The following TOM1L1 variants were observed in gnomAD, a reference collection of about 807,000 sequenced individuals.
TOM1L1 encodes the protein TOM1-like protein 1.
TOM1L1 carries 64 observed loss-of-function variants against 63.4 expected under a neutral mutation model. The observed-to-expected ratio is 1.01, with a 90% confidence interval of 0.83 to 1.24. The LOEUF (loss-of-function observed/expected upper bound fraction) is 1.24, where lower values mean the gene tolerates loss of function less well. Among genes scored for constraint, TOM1L1 ranks in the 50% most tolerant of loss-of-function variants. The pLI, the probability that TOM1L1 is intolerant of heterozygous loss-of-function variation, is 0.00. For synonymous variants in TOM1L1, 166 were observed against 194.4 expected, an observed-to-expected ratio of 0.85 and a Z score of 1.22; for missense variants, 536 against 567.0, an observed-to-expected ratio of 0.95 and a Z score of 0.55.
At chr17:54,919,989 T>TTG (rs2048655501) in intron 7 of TOM1L1, among the ~76,000 whole-genome samples, 5 of 150,860 alleles carry the variant, frequency 3.3e-5, no homozygotes, top group African/African-American at 9.7e-5. Context: ...TTTATTGATT[T>TTG]ATTTATTTAT....
chr17:54,909,289 G>T (rs1050368438), intron 3 of TOM1L1, among the ~76,000 whole-genome samples: 1 of 152,108 alleles, frequency 6.6e-6, no homozygotes, highest in South Asian at 2.1e-4. Context: ...AAAACCATGT[G>T]GTTGTCCCCC....
At chr17:54,957,138 C>G in intron 14 of TOM1L1, 1 of 152,244 alleles carries the variant, frequency 6.6e-6, no homozygotes, top group East Asian at 1.9e-4. Flanking sequence ...CTGGAGACCC[C>G]TCCTATCTGC....
At chr17:54,930,637 C>T (rs1021374850) in intron 8 of TOM1L1, among the ~76,000 whole-genome samples, 4 of 152,002 alleles carry the variant, frequency 2.6e-5, no homozygotes, top group African/African-American at 7.3e-5. Context: ...GTCAGGAGTT[C>T]GAAACCAGCC....
At chr17:54,908,461 G>A (rs2048446016) in intron 3 of TOM1L1, among the ~76,000 whole-genome samples, 1 of 152,180 alleles carries the variant, frequency 6.6e-6, no homozygotes, top group African/African-American at 2.4e-5. Context: ...TCTGTCAAAA[G>A]CAATTATAAG....
chr17:54,913,826 G>A lies in TOM1L1; in HGVS notation c.451G>A (p.Val151Ile), dbSNP rs754022108. Residue 151 changes from valine (V) to isoleucine (I), a missense_variant, in exon 5 of 16, where the codon GTT becomes ATT. Transcript: ENST00000575882. Reference protein sequence around the residue: ...EVYLDLVKKGVQFPPSEAEAE... With the variant: ...EVYLDLVKKGIQFPPSEAEAE... ...ATACCTCGACCTGGTTAAGAAAGGC[G>A]TTCAGTTTCCTCCCTCAGAAGCAGA... The A allele has an allele frequency of 4.5e-5, 73 of 1,611,954 alleles. No individual in the cohort carries two copies. Among genetic ancestry groups the A allele is most frequent in the Non-Finnish European group, 5.8e-5 (68 of 1,178,756 alleles).
At chr17:54,949,379 A>G (rs929713835) in intron 12 of TOM1L1, 139 bp from the exon 13 acceptor site, 3 of 615,776 alleles carry the variant, frequency 4.9e-6, no homozygotes, top group Non-Finnish European at 8.3e-6. Context: ...TAAAAAAACT[A>G]AAGTAATAAT....
intron 3 of TOM1L1, among the ~76,000 whole-genome samples, chr17:54,907,944 G>A (rs1377117851): frequency 6.6e-6 from 1 of 152,064 alleles, no homozygotes; most frequent in Admixed American, 6.6e-5. Flanking sequence ...TTCCATCATG[G>A]TTCCCTCCCT....
At chr17:54,930,364 T>G in intron 8 of TOM1L1, 158 bp downstream of exon 8, 1 of 921,308 alleles carries the variant, frequency 1.1e-6, no homozygotes, top group Non-Finnish European at 1.6e-6. Flanking sequence ...CAGTTTTCCC[T>G]TGTACAGCTC....
intron 5 of TOM1L1, 61 bp downstream of exon 5, chr17:54,913,934 A>G (rs1211661177): frequency 7.4e-5 from 112 of 1,519,810 alleles, no homozygotes; most frequent in Non-Finnish European, 8.8e-5. Flanking sequence ...GTCTTTTCTC[A>G]TTACAGGAGA....
At position 54,910,622 on chromosome 17, in the gene TOM1L1, C is replaced by T. The variant is rs527810652; in HGVS notation, c.223-2044C>T. On this transcript the variant is annotated intron_variant, in intron 3 of 15. Coordinates refer to ENST00000575882, the MANE Select transcript of TOM1L1 (RefSeq NM_005486.3). ...AGAAGCACTTTTCCTTTTAGGATTT[C>T]GCCCGTTAAAAATTCATTATAATAA... Among the ~76,000 whole-genome samples, 12 of 152,276 alleles carry T rather than the reference C, an allele frequency of 7.9e-5. No individual in the cohort carries two copies. In the South Asian group the frequency reaches 1.2e-3, roughly 16 times the overall value.
At chr17:54,950,979 G>A (rs1162616996) in intron 14 of TOM1L1, among the ~76,000 whole-genome samples, 1 of 152,148 alleles carries the variant, frequency 6.6e-6, no homozygotes, top group Admixed American at 6.5e-5. Context: ...GGTGTCCTCT[G>A]ATTCAATTCC....
intron 7 of TOM1L1, among the ~76,000 whole-genome samples, chr17:54,921,564 C>A (rs949075771): frequency 2.6e-5 from 4 of 151,818 alleles, no homozygotes; most frequent in African/African-American, 9.7e-5. Context: ...ACATGTGAAA[C>A]TTTGTCTCTA....
At position 54,930,207 on chromosome 17, in the gene TOM1L1, G is replaced by A. The variant is rs2048835678; in HGVS notation, c.854+1G>A. Reference sequence around the variant, plus strand: ...ATAATGCTATCCTTGGATATGAGAGGTGAGCAGATCATGTACCCTCTTTAC... The same window carrying A: ...ATAATGCTATCCTTGGATATGAGAGATGAGCAGATCATGTACCCTCTTTAC... On this transcript the variant is annotated splice_donor_variant, in intron 8 of 15. Transcript: ENST00000575882. LOFTEE classifies it high-confidence loss of function. 2 of 1,614,030 alleles carry A rather than the reference G, an allele frequency of 1.2e-6. No individual in the cohort carries two copies. The highest frequency in any genetic ancestry group is 1.3e-5 in the African/African-American group (1 of 75,028).
intron 8 of TOM1L1, among the ~76,000 whole-genome samples, chr17:54,934,113 G>T (rs1174910216): frequency 6.6e-6 from 1 of 152,194 alleles, no homozygotes; most frequent in Non-Finnish European, 1.5e-5. Context: ...AAGCAATTGA[G>T]TTCTGTCCTT....
intron 10 of TOM1L1, 95 bp downstream of exon 10, chr17:54,937,321 T>A: frequency 1.0e-6 from 1 of 999,028 alleles, no homozygotes; most frequent in South Asian, 1.3e-5. Flanking sequence ...TAAGAAGGAC[T>A]GAAGTCAGGT....
At chr17:54,934,502 C>G (rs1013114937) in intron 8 of TOM1L1, among the ~76,000 whole-genome samples, 3 of 152,156 alleles carry the variant, frequency 2.0e-5, no homozygotes, top group South Asian at 2.1e-4. Flanking sequence ...TCACAGTCCA[C>G]TCTCTGGCCC....
At chr17:54,957,916 T>C (rs1247959934) in intron 14 of TOM1L1, 2 of 152,234 alleles carry the variant, frequency 1.3e-5, no homozygotes, top group East Asian at 3.8e-4. Flanking sequence ...CAAATACATG[T>C]TTACAAAATT....
chr17:54,924,101 C>T (rs2143827413), intron 7 of TOM1L1, among the ~76,000 whole-genome samples: 1 of 152,140 alleles, frequency 6.6e-6, no homozygotes, highest in South Asian at 2.1e-4. Flanking sequence ...CTAGTCTGGC[C>T]ACAGAGCCCT....
intron 14 of TOM1L1, chr17:54,958,398 C>G (rs2077005935): frequency 6.6e-6 from 1 of 152,168 alleles, no homozygotes; most frequent in Non-Finnish European, 1.5e-5. Flanking sequence ...ACAGTAAGTA[C>G]AGATAACTTC....
Sources: allele counts gnomAD v4.1 joint callset (sites outside exome capture counted in the v4.1 genomes callset), GRCh38; gene constraint gnomAD v4.1.1; transcripts MANE v1.5; gene names NCBI Gene and HGNC (gene_info 2026-07-23, HGNC 2026-07-21).